TAF1: variants seen among roughly 807,000 people sequenced by gnomAD.
TAF1 encodes the protein TATA-box binding protein associated factor 1, also known as transcription initiation factor TFIID subunit 1.
In TAF1, 2 loss-of-function variants were observed where a neutral mutation model predicts 138.5. That is an observed-to-expected ratio of 0.01 (90% CI 0.01 to 0.05). The LOEUF (loss-of-function observed/expected upper bound fraction) is 0.05, where lower values mean the gene tolerates loss of function less well. Ranked by LOEUF, TAF1 falls within the 10% of genes least tolerant of loss-of-function variation. The probability of loss-of-function intolerance (pLI) is 1.00; values close to 1 mark genes in which losing one functional copy is unlikely to be tolerated. For missense variants in TAF1, 709 were observed against 1,478.0 expected, an observed-to-expected ratio of 0.48 and a Z score of 8.53; for synonymous variants, 437 against 503.2, an observed-to-expected ratio of 0.87 and a Z score of 1.76.
intron 4 of TAF1, among the ~76,000 whole-genome samples, chrX:71,376,068 A>G (rs1434663031): frequency 8.9e-6 from 1 of 112,127 alleles, no homozygotes; most frequent in East Asian, 2.8e-4. Flanking sequence ...ACCTATTCCT[A>G]TAACAGTAAC....
At chrX:71,419,047 G>A (rs977192737) in intron 28 of TAF1, among the ~76,000 whole-genome samples, 2 of 111,519 alleles carry the variant, frequency 1.8e-5, no homozygotes, top group Non-Finnish European at 3.8e-5. Flanking sequence ...GATTACAGGC[G>A]TGAGCCACCA....
chrX:71,393,606 G>A (rs933111916), intron 21 of TAF1, 130 bp downstream of exon 21: 3 of 923,177 alleles, frequency 3.2e-6, no homozygotes, highest in Middle Eastern at 3.7e-4. Flanking sequence ...ACATGTCAGG[G>A]TAGTATATGT....
At chrX:71,401,501 A>G (rs199956873) in intron 24 of TAF1, 27 bp from the exon 25 acceptor site, 3 of 1,206,289 alleles carry the variant, frequency 2.5e-6, no homozygotes, top group Admixed American at 2.2e-5. Flanking sequence ...CTTACCTCTG[A>G]CGTGTTTGAT....
At chrX:71,470,755 G>A (rs1194439398), downstream of TAF1, among the ~76,000 whole-genome samples, 4 of 108,474 alleles carry the variant, frequency 3.7e-5, no homozygotes, top group African/African-American at 1.3e-4. Context: ...ACTTTGGGAG[G>A]CTGAGGTGAG....
intron 13 of TAF1, among the ~76,000 whole-genome samples, chrX:71,472,736 A>G (rs1487898014): frequency 9.0e-6 from 1 of 111,546 alleles, no homozygotes; most frequent in Non-Finnish European, 1.9e-5. Flanking sequence ...ATCTCAAAAA[A>G]ATAAATAAAA....
chrX:71,411,909 C>T (rs1475069667), intron 28 of TAF1, among the ~76,000 whole-genome samples: 1 of 111,655 alleles, frequency 9.0e-6, no homozygotes, highest in Non-Finnish European at 1.9e-5. Context: ...AGGCATGCGC[C>T]ACCACTCCCG....
chrX:71,529,494 CAG>C (rs1439467735), intron 14 of TAF1: 1 of 226,029 alleles, frequency 4.4e-6, no homozygotes, highest in Non-Finnish European at 8.1e-6. Context: ...CCACCCAACC[CAG>C]AAGTCCAGCT....
At chrX:71,450,368 A>G (rs989391953) in intron 32 of TAF1, among the ~76,000 whole-genome samples, 1 of 111,251 alleles carries the variant, frequency 9.0e-6, no homozygotes, top group African/African-American at 3.3e-5. Context: ...ATGCCCAGCT[A>G]ATTTTTATAT....
chrX:71,513,192 G>A (rs2039764001), intron 13 of TAF1, among the ~76,000 whole-genome samples: 1 of 111,635 alleles, frequency 9.0e-6, no homozygotes, highest in Admixed American at 9.6e-5. Flanking sequence ...TGATGAGTGA[G>A]GCCCTAACGT....
intron 32 of TAF1, among the ~76,000 whole-genome samples, chrX:71,440,341 T>G (rs1430862000): frequency 2.7e-5 from 3 of 111,899 alleles, no homozygotes; most frequent in Non-Finnish European, 3.8e-5. Context: ...ATTTACTCAT[T>G]GAAGGACATT....
chrX:71,499,789 C>T (rs373559196), intron 13 of TAF1, among the ~76,000 whole-genome samples: 2 of 111,213 alleles, frequency 1.8e-5, no homozygotes, highest in African/African-American at 6.5e-5. Flanking sequence ...TCCAAGCTCT[C>T]GGGCTGCAGC....
intron 28 of TAF1, among the ~76,000 whole-genome samples, chrX:71,419,053 C>A (rs1213820495): frequency 1.8e-5 from 2 of 111,535 alleles, no homozygotes; most frequent in African/African-American, 3.3e-5. Flanking sequence ...AGGCGTGAGC[C>A]ACCACGCCCA....
chrX:71,423,483 G>A (rs189321576), intron 30 of TAF1, among the ~76,000 whole-genome samples: 66 of 110,914 alleles, frequency 6.0e-4, no homozygotes, highest in African/African-American at 1.7e-3. Flanking sequence ...TTTGCTTCCT[G>A]TTGTTGACAT....
chrX:71,436,176 A>G, intron 32 of TAF1, among the ~76,000 whole-genome samples: 1 of 100,617 alleles, frequency 9.9e-6, no homozygotes, highest in African/African-American at 3.7e-5. Context: ...GCCTCCCAAG[A>G]AGCTGGGACT....
intron 14 of TAF1, among the ~76,000 whole-genome samples, chrX:71,385,800 G>T (rs892351625): frequency 3.6e-5 from 4 of 111,634 alleles, no homozygotes; most frequent in African/African-American, 9.8e-5. Flanking sequence ...CCTTTCCCTG[G>T]AACTTTCTGT....
intron 13 of TAF1, among the ~76,000 whole-genome samples, chrX:71,496,290 A>G (rs1200585385): frequency 1.8e-5 from 2 of 112,255 alleles, no homozygotes; most frequent in Admixed American, 1.9e-4. Context: ...GATTTTTGAT[A>G]GGAAGGCTAC....
At position 71,385,090 on chromosome X, in the gene TAF1, T is replaced by C. The variant is rs777845796; in HGVS notation, c.2226+41T>C. ...CTGTTTTTACTGTTAACTAAGGAAA[T>C]TGATAAATGAGGAACCAGTCAGCTC... On this transcript the variant is annotated intron_variant, in intron 14 of 37. Transcript: ENST00000423759. The C allele has an allele frequency of 9.6e-6, 10 of 1,040,466 alleles. No individual in the cohort carries two copies. The Middle Eastern group carries it at 1.0e-3, about 106-fold the overall frequency. The allele number at this position is 1,040,466 out of a possible 1,213,427, so 85.7% of individuals were successfully genotyped here.
At chrX:71,377,220 C>A (rs1259600532) in intron 5 of TAF1, 29 bp downstream of exon 5, 1 of 1,207,606 alleles carries the variant, frequency 8.3e-7, no homozygotes, top group Admixed American at 2.2e-5. Context: ...GCTCAGATTG[C>A]AAACCACTGA....
chrX:71,379,097 C>A, intron 8 of TAF1, 66 bp downstream of exon 8: 16 of 756,982 alleles, frequency 2.1e-5, no homozygotes, highest in African/African-American at 3.1e-5. Context: ...TAAGTGGGCT[C>A]AGCTGTGATT....
Sources: gnomAD v4.1 joint callset for allele counts (sites outside exome capture counted in the v4.1 genomes callset) on GRCh38, gnomAD v4.1.1 for gene constraint, MANE v1.5 for transcripts, NCBI Gene and HGNC (gene_info 2026-07-23, HGNC 2026-07-21) for gene names.